The following SH3PXD2A variants were observed in gnomAD, a reference collection of about 807,000 sequenced individuals.
SH3PXD2A encodes SH3 and PX domain-containing protein 2A.
Under a neutral mutation model 115.2 loss-of-function variants are expected in SH3PXD2A, and 32 were observed. That is an observed-to-expected ratio of 0.28 (90% CI 0.21 to 0.37). SH3PXD2A has a LOEUF of 0.37. SH3PXD2A is among the 10% of genes least tolerant of loss of function. The pLI, the probability that SH3PXD2A is intolerant of heterozygous loss-of-function variation, is 1.00. For synonymous variants in SH3PXD2A, 610 were observed against 629.1 expected (o/e 0.97, Z 0.45); for missense variants, 1,328 against 1,498.7 (o/e 0.89, Z 1.88).
rs1041348182 is a variant in SH3PXD2A at position 103,772,069 on chromosome 10, C to A, written c.154-4900G>T. Among the ~76,000 whole-genome samples the A allele has an allele frequency of 2.6e-5, 4 of 152,194 alleles. No homozygotes were observed. In the South Asian group the frequency reaches 8.3e-4, roughly 32 times the overall value. On this transcript the variant is annotated intron_variant, in intron 2 of 14. Transcript: ENST00000369774. ...TTTCTGCCCACAGGTCAGCTTTCAA[C>A]GAAAGCAAATCTCTGGGCTCAGACT...
intron 3 of SH3PXD2A, among the ~76,000 whole-genome samples, chr10:103,741,311 C>T (rs1355052349): frequency 2.0e-5 from 3 of 152,208 alleles, no homozygotes; most frequent in East Asian, 3.9e-4. Context: ...TGCCCTTGGG[C>T]CTGCCTACTT....
At chr10:103,760,100 T>G (rs2038683902) in intron 3 of SH3PXD2A, among the ~76,000 whole-genome samples, 1 of 152,230 alleles carries the variant, frequency 6.6e-6, no homozygotes, top group Non-Finnish European at 1.5e-5. Flanking sequence ...AGTCTTGGAC[T>G]AAGGATAGTG....
intron 5 of SH3PXD2A, among the ~76,000 whole-genome samples, chr10:103,715,516 T>C (rs1369684454): frequency 6.6e-6 from 1 of 152,134 alleles, no homozygotes; most frequent in Non-Finnish European, 1.5e-5. Flanking sequence ...ATTTGCCTCC[T>C]AGGAAAAGGA....
At chr10:103,839,569 C>A (rs368821165) in intron 1 of SH3PXD2A, among the ~76,000 whole-genome samples, 5 of 151,796 alleles carry the variant, frequency 3.3e-5, no homozygotes, top group African/African-American at 1.2e-4. Flanking sequence ...AGCCCCTCCC[C>A]CAAGGCCACA....
chr10:103,719,011 T>C (rs1156552264), intron 5 of SH3PXD2A, among the ~76,000 whole-genome samples: 1 of 152,212 alleles, frequency 6.6e-6, no homozygotes, highest in Admixed American at 6.5e-5. Flanking sequence ...AGGGTAAAGA[T>C]GACTATGAAC....
chr10:103,751,203 A>AAT (rs1186127431), intron 3 of SH3PXD2A, among the ~76,000 whole-genome samples: 1 of 152,202 alleles, frequency 6.6e-6, no homozygotes, highest in African/African-American at 2.4e-5. Context: ...TTCACGCATG[A>AAT]TCTTATTGAA....
intron 6 of SH3PXD2A, among the ~76,000 whole-genome samples, chr10:103,678,562 C>T (rs2037570417): frequency 6.6e-6 from 1 of 152,230 alleles, no homozygotes. Context: ...GCCCTGGTTG[C>T]CTTTCCCAGC....
chr10:103,611,158 C>G (rs973968779), intron 13 of SH3PXD2A, among the ~76,000 whole-genome samples: 2 of 152,224 alleles, frequency 1.3e-5, no homozygotes, highest in Admixed American at 6.5e-5. Context: ...CTGATCTGCC[C>G]TCTGCCCTCC....
At chr10:103,685,489 A>C (rs2037666068) in intron 6 of SH3PXD2A, among the ~76,000 whole-genome samples, 1 of 152,036 alleles carries the variant, frequency 6.6e-6, no homozygotes, top group African/African-American at 2.4e-5. Flanking sequence ...GATAGTGGAC[A>C]CCCCACCTTC....
In SH3PXD2A at chr10:103,595,713, A is replaced by T. The variant is rs890217581; in HGVS notation, c.*6103T>A. On this transcript the variant is annotated 3_prime_UTR_variant, in exon 15 of 15. Transcript: ENST00000369774. ...GGAGTAGGAGAGGGTGCTGTTGTCA[A>T]GGTTAAGTGCAAACTTGAGATTTTA... 2 of 152,692 alleles carry T rather than the reference A, an allele frequency of 1.3e-5. No homozygotes were observed. Among genetic ancestry groups the T allele is most frequent in the African/African-American group, 2.4e-5 (1 of 41,458 alleles). The allele number at this position is 152,692 out of a possible 1,614,324, so 9.5% of individuals were successfully genotyped here. A position where few individuals can be genotyped will look rare whatever the true frequency, so the allele number is the denominator to read the frequency against.
chr10:103,841,522 G>A (rs1361684946), intron 1 of SH3PXD2A, among the ~76,000 whole-genome samples: 1 of 152,170 alleles, frequency 6.6e-6, no homozygotes, highest in Non-Finnish European at 1.5e-5. Flanking sequence ...CTCTGGCAGT[G>A]TTTTGGCCAG....
intron 3 of SH3PXD2A, among the ~76,000 whole-genome samples, chr10:103,762,014 CTTTTT>C (rs79615908): frequency 1.5e-4 from 14 of 90,686 alleles, no homozygotes; most frequent in Non-Finnish European, 2.7e-4. Context: ...ATCAACACGT[CTTTTT>C]TTTTTTTTTT....
chr10:103,772,564 C>T (rs2038836158), intron 2 of SH3PXD2A, among the ~76,000 whole-genome samples: 1 of 152,260 alleles, frequency 6.6e-6, no homozygotes, highest in Non-Finnish European at 1.5e-5. Flanking sequence ...ACATCAGAAC[C>T]TCGCAGTGTG....
At chr10:103,717,376 C>T (rs1018771270) in intron 5 of SH3PXD2A, among the ~76,000 whole-genome samples, 15 of 152,148 alleles carry the variant, frequency 9.9e-5, no homozygotes, top group Non-Finnish European at 1.6e-4. Flanking sequence ...AGGTTGCCAG[C>T]TCTAGGGAGG....
At chr10:103,622,580 T>C (rs2036623605) in intron 9 of SH3PXD2A, 27 bp from the exon 10 acceptor site, 1 of 1,445,946 alleles carries the variant, frequency 6.9e-7, no homozygotes, top group Non-Finnish European at 9.4e-7. Context: ...CGATGGAGCA[T>C]GCGGCCAACA....
chr10:103,852,406 T>C (rs967743774), intron 1 of SH3PXD2A, among the ~76,000 whole-genome samples: 5 of 152,238 alleles, frequency 3.3e-5, no homozygotes, highest in African/African-American at 1.2e-4. Flanking sequence ...GCAGAGCTCC[T>C]CCTGCGTGGG....
At chr10:103,679,663 C>T (rs2037584864) in intron 6 of SH3PXD2A, among the ~76,000 whole-genome samples, 1 of 152,212 alleles carries the variant, frequency 6.6e-6, no homozygotes, top group Non-Finnish European at 1.5e-5. Flanking sequence ...AGAACTTGTC[C>T]CACCCTGACA....
At chr10:103,854,298 T>C (rs1034521361) in intron 1 of SH3PXD2A, among the ~76,000 whole-genome samples, 7 of 152,168 alleles carry the variant, frequency 4.6e-5, no homozygotes, top group Admixed American at 4.6e-4. Context: ...CAGTCCTCTG[T>C]GCTTGGGTCT....
At position 103,827,125 on chromosome 10, in the gene SH3PXD2A, G is replaced by A. The variant is rs571075190; in HGVS notation, c.73-25763C>T. ...GAATAAATCAGCCAGGGAGCTCAGG[G>A]TGGATGAGGGGTGGGAGGGAGATGT... On this transcript the variant is annotated intron_variant, in intron 1 of 14. Coordinates refer to ENST00000369774, the MANE Select transcript of SH3PXD2A (RefSeq NM_001394015.1). Among the ~76,000 whole-genome samples, 25 of 152,262 alleles carry A rather than the reference G, an allele frequency of 1.6e-4. No individual in the cohort carries two copies. The Middle Eastern group carries it at 0.027, about 166-fold the overall frequency.
Sources: allele counts gnomAD v4.1 joint callset (sites outside exome capture counted in the v4.1 genomes callset), GRCh38; gene constraint gnomAD v4.1.1; transcripts MANE v1.5; gene names NCBI Gene and HGNC (gene_info 2026-07-23, HGNC 2026-07-21).